C9orf85: variants seen among roughly 807,000 people sequenced by gnomAD.
The protein encoded by C9orf85 is chromosome 9 open reading frame 85.
Under a neutral mutation model 14.9 loss-of-function variants are expected in C9orf85, and 16 were observed. That is an observed-to-expected ratio of 1.08 (90% CI 0.73 to 1.63). The LOEUF is 1.63. C9orf85 is among the 40% of genes most tolerant of loss of function. C9orf85 has a pLI of 0.00. For synonymous variants in C9orf85, 45 were observed against 56.8 expected (o/e 0.79, Z 0.93); for missense variants, 172 against 186.1 (o/e 0.92, Z 0.44).
intron 2 of C9orf85, among the ~76,000 whole-genome samples, chr9:71,951,894 AT>A (rs1420464533): frequency 6.6e-6 from 1 of 152,266 alleles, no homozygotes; most frequent in East Asian, 1.9e-4. Flanking sequence ...TATGAAAAAA[AT>A]AAACGTAAAA....
downstream of C9orf85, chr9:71,973,518 T>C (rs1589275916): frequency 6.6e-6 from 1 of 152,354 alleles, no homozygotes; most frequent in Non-Finnish European, 1.5e-5. Context: ...ATAATAATGT[T>C]TAACAAGCGT....
At chr9:71,938,756 T>G (rs974754790) in intron 1 of C9orf85, among the ~76,000 whole-genome samples, 29 of 151,898 alleles carry the variant, frequency 1.9e-4, no homozygotes, top group African/African-American at 5.8e-4. Context: ...TATAATGGGA[T>G]GAGAATTTAC....
intron 1 of C9orf85, among the ~76,000 whole-genome samples, chr9:71,926,141 A>G (rs973017422): frequency 6.6e-6 from 1 of 152,220 alleles, no homozygotes; most frequent in Non-Finnish European, 1.5e-5. Context: ...TTAATATCTG[A>G]ATTCACTTCC....
At chr9:71,983,108 G>C (rs1823133189) in exon 4 of C9orf85, 1 of 150,776 alleles carries the variant, frequency 6.6e-6, no homozygotes, top group Non-Finnish European at 1.5e-5. Context: ...TGATTCTCCT[G>C]CCTCAGCCTC....
At chr9:71,967,991 A>G (rs547764474) in intron 2 of C9orf85, among the ~76,000 whole-genome samples, 2 of 152,168 alleles carry the variant, frequency 1.3e-5, no homozygotes, top group East Asian at 1.9e-4. Flanking sequence ...TAACATCATC[A>G]TATGGTTTTT....
chr9:71,947,294 A>T (rs1219374749), intron 2 of C9orf85, among the ~76,000 whole-genome samples, 182 bp downstream of exon 2: 1 of 152,216 alleles, frequency 6.6e-6, no homozygotes, highest in African/African-American at 2.4e-5. Flanking sequence ...CGACAGATTT[A>T]AAAAGTTAAA....
chr9:71,913,134 C>T (rs996080132), intron 1 of C9orf85, among the ~76,000 whole-genome samples: 5 of 152,002 alleles, frequency 3.3e-5, no homozygotes, highest in African/African-American at 1.2e-4. Flanking sequence ...TGTTGGGAGG[C>T]GAAACTATAT....
At chr9:71,977,036 TA>T (rs1292819551), downstream of C9orf85, among the ~76,000 whole-genome samples, 1 of 152,190 alleles carries the variant, frequency 6.6e-6, no homozygotes, top group Non-Finnish European at 1.5e-5. Context: ...GCAGCCATGA[TA>T]GGGGTACCAA....
At chr9:71,936,175 A>G (rs992103218) in intron 1 of C9orf85, among the ~76,000 whole-genome samples, 1 of 152,086 alleles carries the variant, frequency 6.6e-6, no homozygotes, top group African/African-American at 2.4e-5. Flanking sequence ...TGTCTCAAGG[A>G]TTTCTGTGAG....
At chr9:71,979,550 C>T (rs1242025131) in intron 3 of C9orf85, among the ~76,000 whole-genome samples, 1 of 152,032 alleles carries the variant, frequency 6.6e-6, no homozygotes, top group African/African-American at 2.4e-5. Flanking sequence ...AGAAGCAAAC[C>T]CCTCCAATGA....
At chr9:71,937,222 C>G (rs373828592) in intron 1 of C9orf85, among the ~76,000 whole-genome samples, 2 of 152,130 alleles carry the variant, frequency 1.3e-5, no homozygotes, top group African/African-American at 4.8e-5. Context: ...TAGGTTTTCT[C>G]AACTGCCAGA....
At chr9:71,937,854 A>G (rs1828229659) in intron 1 of C9orf85, among the ~76,000 whole-genome samples, 1 of 152,156 alleles carries the variant, frequency 6.6e-6, no homozygotes, top group Non-Finnish European at 1.5e-5. Context: ...AATTTGCTCA[A>G]CTTGGACTTA....
At chr9:71,966,345 G>T (rs1822690503) in intron 2 of C9orf85, among the ~76,000 whole-genome samples, 1 of 152,040 alleles carries the variant, frequency 6.6e-6, no homozygotes, top group South Asian at 2.1e-4. Flanking sequence ...ATTCCATAAA[G>T]AAATGAAAAG....
At chr9:71,962,975 G>C (rs1220063718) in intron 2 of C9orf85, among the ~76,000 whole-genome samples, 2 of 152,104 alleles carry the variant, frequency 1.3e-5, no homozygotes, top group Non-Finnish European at 2.9e-5. Context: ...ATAATCACTT[G>C]AACCCGGGAA....
chr9:71,938,091 A>T (rs1432452703), intron 1 of C9orf85, among the ~76,000 whole-genome samples: 1 of 152,168 alleles, frequency 6.6e-6, no homozygotes, highest in Non-Finnish European at 1.5e-5. Flanking sequence ...AGTAAGGCTC[A>T]GTAACTTGTC....
At chr9:71,981,024 G>A (rs1823087637) in intron 3 of C9orf85, among the ~76,000 whole-genome samples, 1 of 152,184 alleles carries the variant, frequency 6.6e-6, no homozygotes. Context: ...GCTTAATGAT[G>A]CTATACTACT....
At chr9:71,966,332 T>C (rs548849520) in intron 2 of C9orf85, among the ~76,000 whole-genome samples, 1 of 151,438 alleles carries the variant, frequency 6.6e-6, no homozygotes, top group South Asian at 2.1e-4. Context: ...TTTTAACATG[T>C]GTATTCCATA....
intron 2 of C9orf85, among the ~76,000 whole-genome samples, chr9:71,966,555 A>G (rs971495002): frequency 1.3e-5 from 2 of 152,214 alleles, no homozygotes; most frequent in Non-Finnish European, 2.9e-5. Flanking sequence ...AACATAATAC[A>G]TAGATTAACA....
At chr9:71,947,405 T>C (rs759945919) in intron 2 of C9orf85, among the ~76,000 whole-genome samples, 13 of 152,190 alleles carry the variant, frequency 8.5e-5, no homozygotes, top group Non-Finnish European at 1.6e-4. Context: ...ATTTGTTTTC[T>C]ACAATTCTGT....
Sources: gnomAD v4.1 joint callset for allele counts (sites outside exome capture counted in the v4.1 genomes callset) on GRCh38, gnomAD v4.1.1 for gene constraint, MANE v1.5 for transcripts, NCBI Gene and HGNC (gene_info 2026-07-23, HGNC 2026-07-21) for gene names.